Variants in KCNIP4 observed in about 807,000 individuals in gnomAD.
KCNIP4 encodes Kv channel-interacting protein 4.
Under a neutral mutation model 34.0 loss-of-function variants are expected in KCNIP4, and 12 were observed. The observed-to-expected ratio is 0.35, with a 90% CI of 0.23 to 0.57. The LOEUF is 0.57. Ranked by LOEUF, KCNIP4 falls within the 20% of genes least tolerant of loss-of-function variation. The probability of loss-of-function intolerance (pLI) is 0.83; values close to 1 mark genes in which losing one functional copy is unlikely to be tolerated. For missense variants in KCNIP4, 238 were observed against 311.7 expected (o/e 0.76, Z 1.78); for synonymous variants, 124 against 102.2 (o/e 1.21, Z -1.29).
At chr4:21,880,042 T>G (rs1726375314) in intron 1 of KCNIP4, among the ~76,000 whole-genome samples, 1 of 152,148 alleles carries the variant, frequency 6.6e-6, no homozygotes, top group African/African-American at 2.4e-5. Flanking sequence ...TGTGAGTCAA[T>G]TAAACCTCTT....
intron 1 of KCNIP4, among the ~76,000 whole-genome samples, chr4:21,026,231 T>C (rs1035615814): frequency 2.0e-5 from 3 of 152,340 alleles, no homozygotes; most frequent in East Asian, 1.9e-4. Context: ...ATGCCAATTA[T>C]GGCTTTCTAG....
intron 1 of KCNIP4, among the ~76,000 whole-genome samples, chr4:21,116,868 T>C (rs1749718201): frequency 6.6e-6 from 1 of 152,216 alleles, no homozygotes; most frequent in Non-Finnish European, 1.5e-5. Context: ...CAGAAAAATA[T>C]AATTCTATCC....
At chr4:21,591,110 T>G (rs946337938) in intron 1 of KCNIP4, among the ~76,000 whole-genome samples, 2 of 151,460 alleles carry the variant, frequency 1.3e-5, no homozygotes, top group Non-Finnish European at 2.9e-5. Context: ...AGGAAGGAAA[T>G]ATGGGACAAA....
intron 1 of KCNIP4, among the ~76,000 whole-genome samples, chr4:21,065,496 T>C (rs1744272470): frequency 6.6e-6 from 1 of 152,034 alleles, no homozygotes; most frequent in Non-Finnish European, 1.5e-5. Context: ...AAAAAAATCA[T>C]ATTTAATTGC....
chr4:20,918,254 A>G (rs571642991), intron 1 of KCNIP4, among the ~76,000 whole-genome samples: 1 of 151,942 alleles, frequency 6.6e-6, no homozygotes, highest in East Asian at 1.9e-4. Flanking sequence ...GGGCCTCACA[A>G]CCTCTCCACT....
chr4:21,288,238 A>G (rs938127409), intron 1 of KCNIP4, among the ~76,000 whole-genome samples: 2 of 152,156 alleles, frequency 1.3e-5, no homozygotes, highest in South Asian at 2.1e-4. Flanking sequence ...CAGCACAACT[A>G]TCCTTCCCCC....
At chr4:21,049,550 A>T (rs917028787) in intron 1 of KCNIP4, among the ~76,000 whole-genome samples, 3 of 152,194 alleles carry the variant, frequency 2.0e-5, no homozygotes, top group African/African-American at 7.2e-5. Context: ...GTATCAATGT[A>T]CAAGTGTTTC....
chr4:21,636,636 G>A (rs1353026141), intron 1 of KCNIP4, among the ~76,000 whole-genome samples: 2 of 152,114 alleles, frequency 1.3e-5, no homozygotes, highest in African/African-American at 4.8e-5. Flanking sequence ...TCCCTGTGTA[G>A]AGGTAGAAAG....
intron 6 of KCNIP4, among the ~76,000 whole-genome samples, chr4:20,733,762 G>C (rs1261490906): frequency 1.3e-5 from 2 of 152,116 alleles, no homozygotes; most frequent in Non-Finnish European, 2.9e-5. Context: ...GAACACAATA[G>C]CCATAAGGTC....
chr4:21,833,052 C>T (rs1004646428), intron 1 of KCNIP4, among the ~76,000 whole-genome samples: 2 of 149,308 alleles, frequency 1.3e-5, no homozygotes, highest in African/African-American at 2.5e-5. Flanking sequence ...AATAAACATA[C>T]GTGTGCATGT....
chr4:21,888,817 A>G (rs1488849830), intron 1 of KCNIP4, among the ~76,000 whole-genome samples: 3 of 152,080 alleles, frequency 2.0e-5, no homozygotes, highest in African/African-American at 7.2e-5. Flanking sequence ...TGAAACTTCT[A>G]TCTCACTGAG....
rs535778993 is a variant in KCNIP4, at chr4:20,966,192, C to G, written c.62-83483G>C. 2.0e-5 allele frequency among the ~76,000 whole-genome samples: 3 copies of G among 152,258 alleles called. No homozygotes were observed. The East Asian group carries it at 5.8e-4, about 29-fold the overall frequency. On this transcript the variant is annotated intron_variant, in intron 1 of 8. Transcript: ENST00000382152. ...GTCTTCTAATTATTTTGTCATTATG[C>G]ATTTTCCCCTGTAATTTGTTTAAAT...
intron 1 of KCNIP4, among the ~76,000 whole-genome samples, chr4:21,495,724 T>C (rs370761448): frequency 6.6e-6 from 1 of 152,164 alleles, no homozygotes; most frequent in East Asian, 1.9e-4. Context: ...CTTAAACAAG[T>C]AGACCTAATG....
chr4:20,864,086 ATATGCATGTATACG>A (rs1315713544), intron 2 of KCNIP4, among the ~76,000 whole-genome samples: 4 of 151,350 alleles, frequency 2.6e-5, no homozygotes, highest in Non-Finnish European at 1.5e-5. Context: ...GTATGTATGT[ATATGCATGTATACG>A]TATGTATGTA....
intron 1 of KCNIP4, among the ~76,000 whole-genome samples, chr4:21,586,758 A>T (rs1267164421): frequency 6.6e-6 from 1 of 152,066 alleles, no homozygotes; most frequent in Non-Finnish European, 1.5e-5. Context: ...CATTTATAAA[A>T]ATATGGTTCT....
At chr4:21,850,418 T>G (rs1440877847) in intron 1 of KCNIP4, 1 of 152,068 alleles carries the variant, frequency 6.6e-6, no homozygotes, top group East Asian at 1.9e-4. Flanking sequence ...AATGGTTTAA[T>G]GGGTTTTAAT....
chr4:21,367,521 C>T (rs1578135644), intron 1 of KCNIP4, among the ~76,000 whole-genome samples: 1 of 130,866 alleles, frequency 7.6e-6, no homozygotes, highest in South Asian at 2.3e-4. Context: ...AAGATCAAAA[C>T]CAAGGCTGGG....
chr4:21,770,573 C>G (rs1718711736), intron 1 of KCNIP4, among the ~76,000 whole-genome samples: 1 of 152,138 alleles, frequency 6.6e-6, no homozygotes, highest in South Asian at 2.1e-4. Context: ...TTCCCACCAA[C>G]AGTGTAAAAG....
Position 21,629,849 on chromosome 4 carries a change from C to CTTTTTTTTTTT in KCNIP4, c.61+318711_61+318721dup, listed in dbSNP as rs5856652. Among the ~76,000 whole-genome samples, 531 of 87,768 alleles carry CTTTTTTTTTTT rather than the reference C, an allele frequency of 6.1e-3. 19 individuals carry two copies. The highest frequency in any genetic ancestry group is 0.012 in the Middle Eastern group (1 of 84). 57.6% of individuals were successfully genotyped at this position (87,768 alleles called of 152,430 possible). ...ACCATATTTCCTTTTCTTTTTCTTTCTTTTTTTTTTTTTTTTTTTGAGACA... is the reference window on the plus strand; with the variant it reads ...ACCATATTTCCTTTTCTTTTTCTTTCTTTTTTTTTTTTTTTTTTTTTTTTTTTTTTGAGACA... On this transcript the variant is annotated intron_variant, in intron 1 of 8. Coordinates refer to ENST00000382152, the MANE Select transcript of KCNIP4 (RefSeq NM_025221.6).
Sources: gnomAD v4.1 joint callset for allele counts (sites outside exome capture counted in the v4.1 genomes callset) on GRCh38, gnomAD v4.1.1 for gene constraint, MANE v1.5 for transcripts, NCBI Gene and HGNC (gene_info 2026-07-23, HGNC 2026-07-21) for gene names.